The following HFM1 variants were observed in gnomAD, a reference collection of about 807,000 sequenced individuals.
HFM1 encodes the protein helicase for meiosis 1.
Under a neutral mutation model 192.1 loss-of-function variants are expected in HFM1, and 169 were observed. The observed-to-expected ratio is 0.88, with a 90% CI of 0.78 to 1.00. HFM1 has a LOEUF of 1.00. Among genes scored for constraint, HFM1 ranks in the 50% least tolerant of loss-of-function variants. The pLI, the probability that HFM1 is intolerant of heterozygous loss-of-function variation, is 0.00. For synonymous variants in HFM1, 525 were observed against 537.8 expected, an observed-to-expected ratio of 0.98 and a Z score of 0.33; for missense variants, 1,661 against 1,668.0, an observed-to-expected ratio of 1.00 and a Z score of 0.07.
chr1:91,332,470 C>G (rs1011296253), intron 20 of HFM1, among the ~76,000 whole-genome samples: 4 of 152,160 alleles, frequency 2.6e-5, no homozygotes, highest in African/African-American at 9.6e-5. Flanking sequence ...GGATTAAAGA[C>G]TTAAATCTAA....
chr1:91,380,316 A>G, intron 7 of HFM1, 80 bp from the exon 8 acceptor site: 2 of 885,064 alleles, frequency 2.3e-6, no homozygotes, highest in Non-Finnish European at 3.3e-6. Context: ...AAAAAGTCTT[A>G]GTAAGAATCT....
At chr1:91,321,231 G>T (rs1415256212) in intron 23 of HFM1, among the ~76,000 whole-genome samples, 2 of 152,154 alleles carry the variant, frequency 1.3e-5, no homozygotes, top group African/African-American at 4.8e-5. Flanking sequence ...CACCTTTGAG[G>T]TCAGGAGTTT....
At chr1:91,326,758 G>C (rs1370622764) in intron 20 of HFM1, among the ~76,000 whole-genome samples, 1 of 100,402 alleles carries the variant, frequency 1.0e-5, no homozygotes, top group Non-Finnish European at 2.0e-5. Flanking sequence ...AACTTCTCTT[G>C]ACTTAAATAG....
At chr1:91,386,885 C>T (rs1184417332) in intron 4 of HFM1, among the ~76,000 whole-genome samples, 1 of 152,080 alleles carries the variant, frequency 6.6e-6, no homozygotes, top group Non-Finnish European at 1.5e-5. Flanking sequence ...TGTGTATCCC[C>T]CCAAAAAGGA....
chr1:91,276,777 A>G (rs1202779911), intron 31 of HFM1, 34 bp from the exon 32 acceptor site: 4 of 1,049,448 alleles, frequency 3.8e-6, no homozygotes, highest in Non-Finnish European at 4.1e-6. Flanking sequence ...TTTAGGTTAA[A>G]CTTCAGATCT....
rs1383805542 is a variant in HFM1 at position 91,315,960 on chromosome 1, T to A, written c.2995A>T (p.Ser999Cys). The A allele has an allele frequency of 5.0e-6, 8 of 1,587,270 alleles. No homozygotes were observed. The highest frequency in any genetic ancestry group is 1.1e-5 in the South Asian group (1 of 90,118). The change falls in exon 28 of 39, where the codon AGT (serine) becomes TGT (cysteine). Residue 999 changes from serine to cysteine, a missense_variant. Transcript: ENST00000370425. ...ELKVEQITRYSDTTAEILVTV... is the reference protein window; with the variant it reads ...ELKVEQITRYCDTTAEILVTV... ...ACTAATATTTCTGCCGTCGTATCAC[T>A]ATATCTTGTAATCTTTAAAAAAGGA...
chr1:91,334,240 A>G (rs1294282126), intron 20 of HFM1, among the ~76,000 whole-genome samples: 1 of 152,174 alleles, frequency 6.6e-6, no homozygotes. Flanking sequence ...GCAAGTGATC[A>G]TGCACAAGTT....
chr1:91,329,418 G>A (rs538948906), intron 20 of HFM1: 1 of 1,574,644 alleles, frequency 6.4e-7, no homozygotes, highest in East Asian at 2.3e-5. Context: ...CAAGGTGACT[G>A]GCTCACTCTC....
intron 13 of HFM1, among the ~76,000 whole-genome samples, chr1:91,369,607 T>C (rs1424533951): frequency 6.6e-6 from 1 of 152,050 alleles, no homozygotes; most frequent in Non-Finnish European, 1.5e-5. Context: ...TAGAGGGAAA[T>C]TTATAGCACT....
intron 16 of HFM1, 36 bp from the exon 17 acceptor site, chr1:91,351,679 A>T (rs775822674): frequency 1.1e-5 from 12 of 1,142,450 alleles, no homozygotes; most frequent in Non-Finnish European, 1.6e-5. Flanking sequence ...AGTGAAGAAG[A>T]GCACATCTTG....
intron 30 of HFM1, among the ~76,000 whole-genome samples, chr1:91,295,486 T>C (rs888038808): frequency 6.6e-6 from 1 of 152,136 alleles, no homozygotes; most frequent in Middle Eastern, 3.2e-3. Flanking sequence ...TTCCTCTTCT[T>C]ATAAGAACAC....
chr1:91,319,179 T>C lies in HFM1; in HGVS notation c.2711A>G (p.Lys904Arg). 6.2e-7 allele frequency: 1 copy of C among 1,609,120 alleles called. No homozygotes were observed. The highest frequency in any genetic ancestry group is 1.1e-5 in the South Asian group (1 of 89,468). ...WLSDFVAAQE[K>R]KFAVLLNSLI... is the part of the protein sequence containing the mutation. Reference sequence around the variant, plus strand: ...ACTATTCAATAGTACAGCAAACTTCTTTTCTTGAGCAGCTACAAAATCTGA... The same window carrying C: ...ACTATTCAATAGTACAGCAAACTTCCTTTCTTGAGCAGCTACAAAATCTGA... The change falls in exon 25 of 39, where the codon AAG (lysine) becomes AGG (arginine). Residue 904 changes from lysine to arginine, a missense_variant. By Grantham distance (26) the Lys-to-Arg change is conservative. Transcript: ENST00000370425.
chr1:91,388,349 T>A (rs778530634), intron 4 of HFM1, among the ~76,000 whole-genome samples: 6 of 152,124 alleles, frequency 3.9e-5, no homozygotes, highest in Non-Finnish European at 5.9e-5. Context: ...ACCTGTGGGG[T>A]CTGACGCTAA....
intron 30 of HFM1, among the ~76,000 whole-genome samples, chr1:91,306,472 TTC>T (rs1252947372): frequency 6.6e-6 from 1 of 152,232 alleles, no homozygotes; most frequent in Non-Finnish European, 1.5e-5. Context: ...TTTCTCCTTT[TTC>T]TCTGTTAACA....
At chr1:91,273,963 T>C in intron 33 of HFM1, 148 bp from the exon 34 acceptor site, 2 of 557,762 alleles carry the variant, frequency 3.6e-6, no homozygotes, top group South Asian at 2.5e-5. Context: ...AGCAAATAAA[T>C]AGGTGTTTCA....
rs1001750994 is a variant in HFM1, at chr1:91,314,074, T to G, written c.3141-14A>C. On this transcript the variant is annotated splice_polypyrimidine_tract_variant and intron_variant, in intron 28 of 38. Coordinates refer to ENST00000370425, the MANE Select transcript of HFM1 (RefSeq NM_001017975.6). ...AAAACAGAATCCCTGAAAAATAGTATAGTTTAAATAGTGATCCAAACACTG... is the reference window on the plus strand; with the variant it reads ...AAAACAGAATCCCTGAAAAATAGTAGAGTTTAAATAGTGATCCAAACACTG... The G allele has an allele frequency of 2.8e-6, 4 of 1,440,708 alleles. No individual in the cohort carries two copies. 89.2% of individuals were successfully genotyped at this position (1,440,708 alleles called of 1,614,324 possible). A position where few individuals can be genotyped will look rare whatever the true frequency, so the allele number is the denominator to read the frequency against.
intron 30 of HFM1, among the ~76,000 whole-genome samples, chr1:91,291,770 T>C (rs1229035797): frequency 2.0e-5 from 3 of 151,862 alleles, no homozygotes; most frequent in African/African-American, 7.3e-5. Flanking sequence ...TTTAGACCAA[T>C]ATCCTTGATG....
chr1:91,400,144 A>G lies in HFM1; in HGVS notation c.71+868T>C, dbSNP rs546958651. On this transcript the variant is annotated intron_variant, in intron 2 of 38. Transcript: ENST00000370425. ...AATAATGAGGCAATTAATACACCTC[A>G]TTAAAATAGGATAATACAATACACT... 2.0e-5 allele frequency among the ~76,000 whole-genome samples: 3 copies of G among 152,268 alleles called. No homozygotes were observed. The South Asian group carries it at 6.2e-4, about 32-fold the overall frequency.
intron 30 of HFM1, among the ~76,000 whole-genome samples, chr1:91,285,743 C>T (rs548499553): frequency 3.6e-4 from 55 of 152,150 alleles, no homozygotes; most frequent in African/African-American, 1.3e-3. Flanking sequence ...AACTCTGGTC[C>T]GAAAATATTA....
Sources: gnomAD v4.1 joint callset for allele counts (sites outside exome capture counted in the v4.1 genomes callset) on GRCh38, gnomAD v4.1.1 for gene constraint, MANE v1.5 for transcripts, NCBI Gene and HGNC (gene_info 2026-07-23, HGNC 2026-07-21) for gene names.